Variants in PSMC2 observed in about 807,000 individuals in gnomAD.
PSMC2 encodes the protein 26S proteasome regulatory subunit 7.
PSMC2 carries 7 observed loss-of-function variants against 53.3 expected under a neutral mutation model. That is an observed-to-expected ratio of 0.13 (90% CI 0.07 to 0.25). The LOEUF is 0.25. PSMC2 is among the 10% of genes least tolerant of loss of function. The probability of loss-of-function intolerance (pLI) is 1.00; values close to 1 mark genes in which losing one functional copy is unlikely to be tolerated. For synonymous variants in PSMC2, 169 were observed against 183.9 expected (o/e 0.92, Z 0.66); for missense variants, 241 against 544.0 (o/e 0.44, Z 5.54).
At chr7:103,358,952 T>TA (rs1395950724) in intron 4 of PSMC2, among the ~76,000 whole-genome samples, 4 of 151,714 alleles carry the variant, frequency 2.6e-5, no homozygotes, top group Non-Finnish European at 4.4e-5. Flanking sequence ...AAACTCTTGA[T>TA]AAAATTTGTG....
chr7:103,354,502 G>T (rs1819922346), intron 2 of PSMC2, among the ~76,000 whole-genome samples: 1 of 151,686 alleles, frequency 6.6e-6, no homozygotes, highest in African/African-American at 2.4e-5. Flanking sequence ...CTGAGTAGCT[G>T]GGATTATGAG....
intron 1 of PSMC2, chr7:103,352,861 T>C: frequency 1.3e-6 from 1 of 780,942 alleles, no homozygotes; most frequent in South Asian, 1.3e-5. Context: ...CCCCAAAGCC[T>C]GAACTGCTTG....
At chr7:103,363,735 T>A (rs1321222029) in intron 7 of PSMC2, among the ~76,000 whole-genome samples, 1 of 152,208 alleles carries the variant, frequency 6.6e-6, no homozygotes, top group Non-Finnish European at 1.5e-5. Context: ...TAGAAGAAAC[T>A]GGTTCTTCAA....
At chr7:103,352,887 C>T (rs1408392639) in intron 1 of PSMC2, 1 of 780,966 alleles carries the variant, frequency 1.3e-6, no homozygotes, top group Admixed American at 1.7e-5. Context: ...CACGGCATTT[C>T]CCCTACGGTC....
At chr7:103,348,656 G>C in intron 1 of PSMC2, 3 of 1,543,922 alleles carry the variant, frequency 1.9e-6, no homozygotes, top group South Asian at 1.1e-5. Flanking sequence ...CAGGGTTCTC[G>C]CTCTTGTCGC....
At chr7:103,349,414 A>G (rs1819678161) in intron 1 of PSMC2, among the ~76,000 whole-genome samples, 1 of 151,968 alleles carries the variant, frequency 6.6e-6, no homozygotes, top group Non-Finnish European at 1.5e-5. Context: ...AGTTATGACT[A>G]ACATGTATAT....
At chr7:103,361,762 T>G (rs1021691752) in intron 4 of PSMC2, among the ~76,000 whole-genome samples, 195 bp from the exon 5 acceptor site, 1 of 152,164 alleles carries the variant, frequency 6.6e-6, no homozygotes, top group Non-Finnish European at 1.5e-5. Flanking sequence ...GAGAATGTAT[T>G]TGAAAATTTT....
chr7:103,347,632 A>G, upstream of PSMC2: 1 of 1,524,046 alleles, frequency 6.6e-7, no homozygotes, highest in Non-Finnish European at 9.1e-7. Flanking sequence ...TCCGGTGGGG[A>G]AGGGAAAGGG....
chr7:103,354,058 C>T, intron 2 of PSMC2, 100 bp downstream of exon 2: 1 of 916,406 alleles, frequency 1.1e-6, no homozygotes, highest in Admixed American at 3.1e-5. Flanking sequence ...GTTAAGAAAC[C>T]AAAAATTAAA....
chr7:103,353,504 GC>G (rs1819848980), intron 1 of PSMC2, among the ~76,000 whole-genome samples: 1 of 152,014 alleles, frequency 6.6e-6, no homozygotes, highest in Admixed American at 6.6e-5. Flanking sequence ...ACGGGGTTTC[GC>G]CAGGTTGGCT....
chr7:103,347,849 A>G, intron 1 of PSMC2, 68 bp downstream of exon 1: 1 of 1,562,136 alleles, frequency 6.4e-7, no homozygotes, highest in Non-Finnish European at 8.8e-7. Flanking sequence ...GGCACTGGAG[A>G]GGAGCTGGAT....
rs181484281 is a variant in PSMC2, at chr7:103,366,822, T to A, written c.845-591T>A. On this transcript the variant is annotated intron_variant, in intron 9 of 11. Transcript: ENST00000292644. ...GAAATCTAGACTTTTTTTTTTGTTT[T>A]AAGAAACAGTCTCACTCTGTTGCTC... 5.0e-3 allele frequency among the ~76,000 whole-genome samples: 758 copies of A among 152,258 alleles called. 9 individuals carry two copies. Among genetic ancestry groups the A allele is most frequent in the African/African-American group, 0.017 (702 of 41,538 alleles).
chr7:103,360,310 T>G, intron 4 of PSMC2, among the ~76,000 whole-genome samples: 1 of 152,208 alleles, frequency 6.6e-6, no homozygotes, highest in Non-Finnish European at 1.5e-5. Context: ...GGGTTTGGTA[T>G]TATTGCTGTT....
At chr7:103,357,326 CAA>C (rs762310758) in intron 4 of PSMC2, among the ~76,000 whole-genome samples, 35 of 77,784 alleles carry the variant, frequency 4.5e-4, no homozygotes, top group Non-Finnish European at 5.5e-4. Context: ...TACTCTGTCT[CAA>C]AAAAAAAAAA....
intron 1 of PSMC2, among the ~76,000 whole-genome samples, chr7:103,349,279 T>G (rs17136728): frequency 0.22 from 33,058 of 152,044 alleles, 5,437 homozygotes; most frequent in African/African-American, 0.47. Context: ...AAATGTCAGA[T>G]ATACTCAGTA....
intron 1 of PSMC2, among the ~76,000 whole-genome samples, chr7:103,349,340 G>A (rs944431981): frequency 3.9e-5 from 6 of 152,142 alleles, no homozygotes; most frequent in African/African-American, 1.4e-4. Flanking sequence ...TGTGCACAGT[G>A]ATCTGTGTGT....
At position 103,362,722 on chromosome 7, in the gene PSMC2, G is replaced by A; in HGVS notation, c.459G>A (p.Leu153=). The A allele has an allele frequency of 6.2e-7, 1 of 1,605,462 alleles. No individual in the cohort carries two copies. The highest frequency in any genetic ancestry group is 8.5e-7 in the Non-Finnish European group (1 of 1,173,036). The change falls in exon 6 of 12, where the codon TTG becomes TTA. Residue 153 remains leucine, a synonymous_variant. Transcript: ENST00000292644. ...ATAAATATCAAATTCACATTCCATT[G>A]CCTCCTAAGATTGACCCAACAGTTA... The part of the protein sequence containing the change: ...DRNKYQIHIP[L]PPKIDPTVTM...
intron 8 of PSMC2, among the ~76,000 whole-genome samples, 180 bp downstream of exon 8, chr7:103,364,487 C>T (rs1457390203): frequency 6.6e-6 from 1 of 152,158 alleles, no homozygotes; most frequent in Non-Finnish European, 1.5e-5. Flanking sequence ...CAGCTCACTG[C>T]AGTCTCTACC....
intron 4 of PSMC2, among the ~76,000 whole-genome samples, chr7:103,360,577 CCTTA>C (rs989554040): frequency 6.6e-6 from 1 of 152,154 alleles, no homozygotes; most frequent in Non-Finnish European, 1.5e-5. Flanking sequence ...GCATTCTGTA[CCTTA>C]CTTTTAGCTC....
Sources: gnomAD v4.1 joint callset for allele counts (sites outside exome capture counted in the v4.1 genomes callset) on GRCh38, gnomAD v4.1.1 for gene constraint, MANE v1.5 for transcripts, NCBI Gene and HGNC (gene_info 2026-07-23, HGNC 2026-07-21) for gene names.